Variants in RBBP8 observed in about 807,000 individuals in gnomAD.
RBBP8 encodes the protein DNA endonuclease RBBP8.
Under a neutral mutation model 108.3 loss-of-function variants are expected in RBBP8, and 88 were observed. The ratio of observed to expected loss-of-function variants is 0.81; its 90% CI spans 0.68 to 0.97. RBBP8 has a LOEUF of 0.97. Ranked by LOEUF, RBBP8 falls within the 50% of genes least tolerant of loss-of-function variation. The pLI, the probability that RBBP8 is intolerant of heterozygous loss-of-function variation, is 0.00. For synonymous variants in RBBP8, 332 were observed against 348.2 expected (o/e 0.95, Z 0.52); for missense variants, 1,023 against 1,049.0 (o/e 0.98, Z 0.34).
At chr18:22,978,488 C>A (rs1404342150) in intron 6 of RBBP8, among the ~76,000 whole-genome samples, 1 of 151,774 alleles carries the variant, frequency 6.6e-6, no homozygotes, top group Non-Finnish European at 1.5e-5. Flanking sequence ...TTGGGCACCT[C>A]TAGTTAGAGC....
intron 14 of RBBP8, among the ~76,000 whole-genome samples, chr18:23,000,303 T>C (rs561541507): frequency 8.0e-4 from 122 of 152,304 alleles, no homozygotes; most frequent in African/African-American, 2.9e-3. Context: ...GATTATATAA[T>C]GGGAAATGTG....
chr18:22,953,505 C>T (rs1430038837), intron 4 of RBBP8, among the ~76,000 whole-genome samples: 2 of 152,248 alleles, frequency 1.3e-5, no homozygotes, highest in African/African-American at 4.8e-5. Context: ...CCATTTCATC[C>T]CCAAGATAGT....
chr18:22,932,661 A>G (rs1287932739), upstream of RBBP8, among the ~76,000 whole-genome samples: 2 of 152,238 alleles, frequency 1.3e-5, no homozygotes, highest in African/African-American at 4.8e-5. Context: ...TCATTTGTAG[A>G]ATTTCTAGTG....
chr18:23,000,126 T>TTG (rs2045922936), intron 14 of RBBP8, among the ~76,000 whole-genome samples: 1 of 152,098 alleles, frequency 6.6e-6, no homozygotes, highest in African/African-American at 2.4e-5. Context: ...AAATAAGCAA[T>TTG]TGTATATATA....
chr18:23,006,510 T>C, intron 16 of RBBP8, 78 bp downstream of exon 16: 1 of 1,161,670 alleles, frequency 8.6e-7, no homozygotes, highest in Non-Finnish European at 1.3e-6. Flanking sequence ...CTCTTTTTTC[T>C]TTTTTTTTAA....
intron 6 of RBBP8, among the ~76,000 whole-genome samples, chr18:22,975,571 TC>T (rs1437655061): frequency 6.6e-6 from 1 of 152,132 alleles, no homozygotes; most frequent in African/African-American, 2.4e-5. Flanking sequence ...AATAAGTGTT[TC>T]CTCTTATATA....
chr18:23,010,910 A>T (rs1381016195), intron 16 of RBBP8, among the ~76,000 whole-genome samples: 1 of 152,218 alleles, frequency 6.6e-6, no homozygotes, highest in African/African-American at 2.4e-5. Flanking sequence ...TCCCTACGTC[A>T]CGATAAGACA....
rs1271196832 is a variant in RBBP8, at chr18:22,933,372, T to C, written c.-291T>C. 1 of 152,246 alleles carries C rather than the reference T, an allele frequency of 6.6e-6. No individual in the cohort carries two copies. Among genetic ancestry groups the C allele is most frequent in the East Asian group, 2.0e-4 (1 of 5,102 alleles). 9.4% of individuals were successfully genotyped at this position (152,246 alleles called of 1,614,324 possible). ...CCCGGGCGGGGCGGGTCCGGCCGCC[T>C]CCGAGCCCGGCCGGCAGCCCCCGGC... On this transcript the variant is annotated 5_prime_UTR_variant, in exon 1 of 19. Transcript: ENST00000327155.
chr18:22,926,813 T>C (rs1332007400), intron 3 of RBBP8, among the ~76,000 whole-genome samples: 1 of 152,200 alleles, frequency 6.6e-6, no homozygotes, highest in Non-Finnish European at 1.5e-5. Context: ...CTCTTTAATG[T>C]CCATTATGAG....
chr18:22,993,895 T>C (rs753127469), intron 12 of RBBP8, 48 bp downstream of exon 12: 2 of 1,571,856 alleles, frequency 1.3e-6, no homozygotes, highest in South Asian at 1.1e-5. Flanking sequence ...GACTTCAGAT[T>C]GAATGTCATT....
chr18:22,995,593 T>TAA (rs2045841869), intron 12 of RBBP8, among the ~76,000 whole-genome samples: 2 of 152,226 alleles, frequency 1.3e-5, no homozygotes, highest in African/African-American at 2.4e-5. Flanking sequence ...CCTAGGCACC[T>TAA]TAAATCTACT....
rs1400092634 is a variant in RBBP8, at chr18:22,973,891, CT to C, written c.362-1258del. Among the ~76,000 whole-genome samples the C allele has an allele frequency of 5.3e-5, 8 of 152,240 alleles. No individual in the cohort carries two copies. The East Asian group carries it at 1.5e-3, about 29-fold the overall frequency. ...TTGTACTTCTCGATTGCCCTTGTCACTTTTAAACCTATAAAACATGTTTATG... is the reference window on the plus strand; with the variant it reads ...TTGTACTTCTCGATTGCCCTTGTCACTTTAAACCTATAAAACATGTTTATG... On this transcript the variant is annotated intron_variant, in intron 5 of 18. Transcript: ENST00000327155.
At chr18:23,022,658 T>TAAAATA (rs1294331749) in intron 18 of RBBP8, among the ~76,000 whole-genome samples, 1 of 83,760 alleles carries the variant, frequency 1.2e-5, no homozygotes, top group Non-Finnish European at 2.9e-5. Context: ...CAATATAAAA[T>TAAAATA]AAAATAAAAT....
At position 22,918,460 on chromosome 18, in the gene RBBP8, T is replaced by G. The variant is rs150020754; in HGVS notation, c.-154+1434T>G. ...ACTGTAACATAGTGTGTGTGATAAG[T>G]ATTTGTGTATCTAAACATATACTGA... On this transcript the variant is annotated intron_variant, in intron 3 of 4. Transcript: ENST00000577588. Among the ~76,000 whole-genome samples, 170 of 152,306 alleles carry G rather than the reference T, an allele frequency of 1.1e-3. 2 individuals are homozygous for G. Among genetic ancestry groups the G allele is most frequent in the African/African-American group, 3.7e-3 (155 of 41,570 alleles).
chr18:23,017,543 A>G (rs996056735), intron 17 of RBBP8, among the ~76,000 whole-genome samples: 2 of 148,552 alleles, frequency 1.3e-5, no homozygotes, highest in Admixed American at 6.8e-5. Context: ...AGTCCCAGCT[A>G]CTCGGGAAGC....
intron 18 of RBBP8, chr18:23,024,810 A>T (rs1336863847): frequency 6.6e-6 from 1 of 152,274 alleles, no homozygotes; most frequent in Non-Finnish European, 1.5e-5. Context: ...ATTAATTAGT[A>T]GCCTTCAGGC....
intron 18 of RBBP8, among the ~76,000 whole-genome samples, chr18:23,022,578 G>A (rs1017556586): frequency 9.0e-6 from 1 of 110,804 alleles, no homozygotes; most frequent in Non-Finnish European, 1.7e-5. Context: ...CTCCAGCCTG[G>A]GCGACAGAAC....
At chr18:22,925,843 C>A (rs143524472) in intron 3 of RBBP8, among the ~76,000 whole-genome samples, 2 of 152,270 alleles carry the variant, frequency 1.3e-5, no homozygotes, top group East Asian at 3.9e-4. Flanking sequence ...CAGTATAATA[C>A]TTTAATAGAC....
intron 5 of RBBP8, among the ~76,000 whole-genome samples, chr18:22,972,680 T>C (rs1346212065): frequency 6.6e-6 from 1 of 152,210 alleles, no homozygotes; most frequent in African/African-American, 2.4e-5. Context: ...AAAGTTAATA[T>C]CTTAATTCTC....
Sources: gnomAD v4.1 joint callset for allele counts (sites outside exome capture counted in the v4.1 genomes callset) on GRCh38, gnomAD v4.1.1 for gene constraint, MANE v1.5 for transcripts, NCBI Gene and HGNC (gene_info 2026-07-23, HGNC 2026-07-21) for gene names.